The following CEP83 variants were observed in gnomAD, a reference collection of about 807,000 sequenced individuals.
CEP83 encodes centrosomal protein 83.
Under a neutral mutation model 101.9 loss-of-function variants are expected in CEP83, and 70 were observed. The ratio of observed to expected loss-of-function variants is 0.69; its 90% CI spans 0.57 to 0.84. CEP83 has a LOEUF of 0.84. Among genes scored for constraint, CEP83 ranks in the 40% least tolerant of loss-of-function variants. The pLI, the probability that CEP83 is intolerant of heterozygous loss-of-function variation, is 0.00. For missense variants in CEP83, 715 were observed against 787.2 expected, an observed-to-expected ratio of 0.91 and a Z score of 1.10; for synonymous variants, 264 against 267.9, an observed-to-expected ratio of 0.99 and a Z score of 0.14.
chr12:94,435,468 C>G (rs1339281848), intron 1 of CEP83, 141 bp from the exon 2 acceptor site: 1 of 152,256 alleles, frequency 6.6e-6, no homozygotes, highest in Non-Finnish European at 1.5e-5. Flanking sequence ...GAGAGACAGA[C>G]CCTTTGAAAA....
chr12:94,411,789 G>T lies in CEP83; in HGVS notation c.232C>A (p.Gln78Lys), dbSNP rs372337825. The stretch of plus-strand genomic sequence containing the variant: ...AGCTGAAGTTTTTCCTGCTGAGTTT[G>T]CTTTTCATTAAACAGGTGCTTGAGT... The part of the protein sequence containing the change: ...NELKHLFNEK[Q>K]TQQEKLQLLL... Residue 78 changes from glutamine to lysine, a missense_variant, in exon 4 of 17, where the codon CAA (glutamine) becomes AAA (lysine). Gln to Lys is a moderately conservative substitution (Grantham distance 53). Transcript: ENST00000397809. 63 of 1,612,350 alleles carry T rather than the reference G, an allele frequency of 3.9e-5. No homozygotes were observed. Among genetic ancestry groups the T allele is most frequent in the Admixed American group, 1.0e-4 (6 of 59,920 alleles).
intron 6 of CEP83, among the ~76,000 whole-genome samples, chr12:94,397,379 T>A (rs2062965772): frequency 6.6e-6 from 1 of 152,032 alleles, no homozygotes; most frequent in Non-Finnish European, 1.5e-5. Flanking sequence ...CCTGCCTGAA[T>A]CCCAGCTACT....
At chr12:94,396,343 C>T (rs1433768581) in intron 6 of CEP83, among the ~76,000 whole-genome samples, 3 of 132,080 alleles carry the variant, frequency 2.3e-5, no homozygotes, top group African/African-American at 5.9e-5. Flanking sequence ...GGCTGGAGTG[C>T]GGTGGCACAA....
At chr12:94,372,574 C>T (rs1452350090) in intron 8 of CEP83, among the ~76,000 whole-genome samples, 1 of 152,164 alleles carries the variant, frequency 6.6e-6, no homozygotes, top group Non-Finnish European at 1.5e-5. Context: ...ACTATAGCTG[C>T]ATGAGGTGGA....
intron 16 of CEP83, 47 bp downstream of exon 16, chr12:94,309,871 A>T (rs1969570283): frequency 8.0e-7 from 1 of 1,246,760 alleles, no homozygotes; most frequent in African/African-American, 1.5e-5. Flanking sequence ...ATAAAAACCT[A>T]CAAAAATGTA....
chr12:94,292,990 C>T, the CEP83 span, among the ~76,000 whole-genome samples: 1 of 152,296 alleles, frequency 6.6e-6, no homozygotes, highest in Non-Finnish European at 1.5e-5. Context: ...CCTGGCCTTT[C>T]CTAATCACTA....
chr12:94,355,656 C>T (rs2060430947), intron 11 of CEP83, among the ~76,000 whole-genome samples: 1 of 152,180 alleles, frequency 6.6e-6, no homozygotes, highest in African/African-American at 2.4e-5. Context: ...ATCTCTGCAG[C>T]AATGTAACAT....
chr12:94,454,633 C>T (rs527561985), intron 1 of CEP83, among the ~76,000 whole-genome samples: 40 of 152,328 alleles, frequency 2.6e-4, no homozygotes, highest in East Asian at 7.7e-4. Context: ...CCTTCCATGC[C>T]GTGGAAGCTC....
At chr12:94,280,666 G>A in the CEP83 span, among the ~76,000 whole-genome samples, 1 of 152,168 alleles carries the variant, frequency 6.6e-6, no homozygotes, top group African/African-American at 2.4e-5. Context: ...ATCAAAGGGG[G>A]AGCCCCAGCC....
chr12:94,406,326 AAAAACAAAAC>A (rs764456057), intron 4 of CEP83, among the ~76,000 whole-genome samples: 2 of 151,782 alleles, frequency 1.3e-5, no homozygotes, highest in African/African-American at 2.4e-5. Flanking sequence ...ACTCCGTCTC[AAAAACAAAAC>A]AAAACAAAAC....
rs140740146 is a variant in CEP83 at position 94,381,634 on chromosome 12, T to C, written c.550-2592A>G. 6.4e-4 allele frequency among the ~76,000 whole-genome samples: 97 copies of C among 152,252 alleles called. 1 individual carries two copies. In the East Asian group the frequency reaches 0.017, roughly 27 times the overall value. ...ACCTTTACGATATAACATAGGGATATGGGTAAGAGAAAAGGCTCTGGAATC... is the reference window on the plus strand; with the variant it reads ...ACCTTTACGATATAACATAGGGATACGGGTAAGAGAAAAGGCTCTGGAATC... On this transcript the variant is annotated intron_variant, in intron 6 of 16. Coordinates refer to ENST00000397809, the MANE Select transcript of CEP83 (RefSeq NM_016122.3).
At chr12:94,377,132 T>C (rs2061596045) in intron 7 of CEP83, among the ~76,000 whole-genome samples, 2 of 152,202 alleles carry the variant, frequency 1.3e-5, no homozygotes, top group Non-Finnish European at 2.9e-5. Context: ...GCTGTTCGAC[T>C]TATGATGGGG....
downstream of CEP83, chr12:94,305,826 T>TGTGA (rs1163191997): frequency 1.3e-5 from 2 of 152,520 alleles, no homozygotes; most frequent in East Asian, 1.9e-4. Flanking sequence ...ACTTAGCATT[T>TGTGA]GTGAGTGTGT....
In CEP83 at chr12:94,347,068, T is replaced by C. The variant is rs3858615; in HGVS notation, c.1344-11404A>G. Among the ~76,000 whole-genome samples, 754 of 147,438 alleles carry C rather than the reference T, an allele frequency of 5.1e-3. 14 individuals carry two copies. The highest frequency in any genetic ancestry group is 0.017 in the African/African-American group (672 of 40,360). On this transcript the variant is annotated intron_variant, in intron 11 of 16. Coordinates refer to ENST00000397809, the MANE Select transcript of CEP83 (RefSeq NM_016122.3). ...ATAAACAAATATATATATATATATA[T>C]ACACATACACACACACACACACACA...
At chr12:94,328,041 T>C (rs141382183) in intron 14 of CEP83, among the ~76,000 whole-genome samples, 1 of 152,352 alleles carries the variant, frequency 6.6e-6, no homozygotes, top group East Asian at 1.9e-4. Context: ...ACACAACATA[T>C]TCAATCAGAT....
rs544455288 is a variant in CEP83 at position 94,308,630 on chromosome 12, T to A, written c.*183A>T. 4 of 404,520 alleles carry A rather than the reference T, an allele frequency of 9.9e-6. No individual in the cohort carries two copies. The South Asian group carries it at 2.6e-4, about 26-fold the overall frequency. The allele number at this position is 404,520 out of a possible 1,614,324, so 25.1% of individuals were successfully genotyped here. A position where few individuals can be genotyped will look rare whatever the true frequency, so the allele number is the denominator to read the frequency against. Reference sequence around the variant, plus strand: ...CTCTGAGAATTTCTCTTTTAATGCTTCACTTGTATAATCTTAAAATCCTGA... The same window carrying A: ...CTCTGAGAATTTCTCTTTTAATGCTACACTTGTATAATCTTAAAATCCTGA... On this transcript the variant is annotated 3_prime_UTR_variant, in exon 17 of 17. Coordinates refer to ENST00000397809, the MANE Select transcript of CEP83 (RefSeq NM_016122.3).
intron 14 of CEP83, among the ~76,000 whole-genome samples, chr12:94,315,533 A>G (rs1395773224): frequency 6.6e-6 from 1 of 152,038 alleles, no homozygotes; most frequent in Non-Finnish European, 1.5e-5. Context: ...CTGTGGTGTC[A>G]TTTTCTTTTG....
At chr12:94,368,780 T>C (rs1180884757) in intron 9 of CEP83, 1 of 152,210 alleles carries the variant, frequency 6.6e-6, no homozygotes, top group Non-Finnish European at 1.5e-5. Context: ...AAATGCAGCA[T>C]TCTTTAAGTT....
chr12:94,316,285 G>A (rs1970670478), intron 14 of CEP83, among the ~76,000 whole-genome samples: 1 of 152,056 alleles, frequency 6.6e-6, no homozygotes, highest in Non-Finnish European at 1.5e-5. Flanking sequence ...TTCTAATTGT[G>A]TGTGTAAAGA....
Sources: allele counts gnomAD v4.1 joint callset (sites outside exome capture counted in the v4.1 genomes callset), GRCh38; gene constraint gnomAD v4.1.1; transcripts MANE v1.5; gene names NCBI Gene and HGNC (gene_info 2026-07-23, HGNC 2026-07-21).